The following CRACDL variants were observed in gnomAD, a reference collection of about 807,000 sequenced individuals.
CRACDL encodes the protein CRACD-like protein.
CRACDL carries 26 observed loss-of-function variants against 70.6 expected under a neutral mutation model. The ratio of observed to expected loss-of-function variants is 0.37; its 90% confidence interval spans 0.27 to 0.51. CRACDL has a LOEUF of 0.51. Ranked by LOEUF, CRACDL falls within the 20% of genes least tolerant of loss-of-function variation. The pLI, the probability that CRACDL is intolerant of heterozygous loss-of-function variation, is 0.94. For missense variants in CRACDL, 1,283 were observed against 1,376.9 expected (o/e 0.93, Z 1.08); for synonymous variants, 618 against 615.2 (o/e 1.00, Z -0.07).
chr2:98,900,311 G>T (rs968848461), intron 1 of CRACDL, among the ~76,000 whole-genome samples: 10 of 145,224 alleles, frequency 6.9e-5, no homozygotes, highest in Non-Finnish European at 1.4e-4. Flanking sequence ...CTCAGTAGGA[G>T]GGGAGGCAGG....
chr2:98,842,543 A>G (rs1467864200), intron 2 of CRACDL, among the ~76,000 whole-genome samples: 1 of 152,164 alleles, frequency 6.6e-6, no homozygotes, highest in African/African-American at 2.4e-5. Flanking sequence ...GACTGTCCTC[A>G]TGCTGCCCTT....
At chr2:98,932,839 G>A (rs1398359565) in intron 1 of CRACDL, among the ~76,000 whole-genome samples, 6 of 152,178 alleles carry the variant, frequency 3.9e-5, no homozygotes, top group Non-Finnish European at 7.3e-5. Flanking sequence ...GCCATGATGT[G>A]CAGAGGACAG....
At chr2:98,802,060 T>C (rs1164869980) in intron 7 of CRACDL, among the ~76,000 whole-genome samples, 3 of 152,268 alleles carry the variant, frequency 2.0e-5, no homozygotes, top group Non-Finnish European at 4.4e-5. Context: ...AGGCTGACTC[T>C]TGGCTCCCTG....
chr2:98,869,855 C>T (rs6760065), intron 1 of CRACDL, among the ~76,000 whole-genome samples: 57,293 of 152,038 alleles, frequency 0.38, 11,321 homozygotes, highest in African/African-American at 0.49. Flanking sequence ...AACTGCTTTC[C>T]TGGGGCCTTC....
intron 9 of CRACDL, 68 bp from the exon 10 acceptor site, chr2:98,794,739 T>C: frequency 7.0e-7 from 1 of 1,424,348 alleles, no homozygotes; most frequent in Non-Finnish European, 9.8e-7. Flanking sequence ...TTAAGCCTCT[T>C]GTGTTTCTCG....
At chr2:98,910,640 G>A (rs983638411) in intron 1 of CRACDL, among the ~76,000 whole-genome samples, 38 of 152,294 alleles carry the variant, frequency 2.5e-4, no homozygotes, top group Middle Eastern at 3.4e-3. Context: ...AATGACAACC[G>A]TTTCTACAAA....
intron 1 of CRACDL, among the ~76,000 whole-genome samples, chr2:98,894,325 C>T (rs1415952422): frequency 1.3e-5 from 2 of 152,200 alleles, no homozygotes; most frequent in East Asian, 3.8e-4. Context: ...GGAGAGGCCA[C>T]ATGAGGAAGA....
intron 1 of CRACDL, among the ~76,000 whole-genome samples, chr2:98,857,311 T>C (rs1037493612): frequency 1.3e-5 from 2 of 152,184 alleles, no homozygotes; most frequent in Non-Finnish European, 2.9e-5. Context: ...TATATTTTTG[T>C]TCTCTCTTCT....
intron 1 of CRACDL, among the ~76,000 whole-genome samples, chr2:98,850,174 C>T (rs913403809): frequency 1.3e-5 from 2 of 152,190 alleles, no homozygotes. Flanking sequence ...TCCAGCTGAC[C>T]CCTGTGCTTC....
intron 1 of CRACDL, among the ~76,000 whole-genome samples, chr2:98,884,949 C>T (rs983403104): frequency 2.0e-5 from 3 of 152,190 alleles, no homozygotes; most frequent in African/African-American, 7.2e-5. Flanking sequence ...GGACTTGGGC[C>T]TTCCAGAGAG....
chr2:98,934,085 G>A (rs534063108), intron 1 of CRACDL, among the ~76,000 whole-genome samples: 89 of 152,104 alleles, frequency 5.9e-4, no homozygotes, highest in East Asian at 3.9e-4. Context: ...ATCACCTTGA[G>A]GATTAGGAAT....
At chr2:98,912,574 G>A (rs1708570078) in intron 1 of CRACDL, among the ~76,000 whole-genome samples, 1 of 152,238 alleles carries the variant, frequency 6.6e-6, no homozygotes, top group African/African-American at 2.4e-5. Context: ...TGAATGCCCT[G>A]AGGTCTATGA....
At chr2:98,887,734 CAAAG>C (rs1313365170) in intron 1 of CRACDL, among the ~76,000 whole-genome samples, 1 of 151,956 alleles carries the variant, frequency 6.6e-6, no homozygotes, top group Non-Finnish European at 1.5e-5. Flanking sequence ...AGCCCAAAGA[CAAAG>C]AGAGAATCTG....
chr2:98,844,580 T>C (rs1054628584), intron 2 of CRACDL, among the ~76,000 whole-genome samples: 3 of 152,210 alleles, frequency 2.0e-5, no homozygotes, highest in Non-Finnish European at 4.4e-5. Flanking sequence ...TGATCTCATC[T>C]TAACAAATTA....
At chr2:98,829,474 G>T (rs1383144589) in intron 5 of CRACDL, among the ~76,000 whole-genome samples, 1 of 152,176 alleles carries the variant, frequency 6.6e-6, no homozygotes, top group East Asian at 1.9e-4. Flanking sequence ...ATGTAACTAC[G>T]TGAGGTGGTT....
chr2:98,807,380 T>C (rs1364533746), intron 7 of CRACDL, among the ~76,000 whole-genome samples: 2 of 152,258 alleles, frequency 1.3e-5, no homozygotes, highest in Non-Finnish European at 2.9e-5. Flanking sequence ...TAGGTCTTTG[T>C]TGTGGGGAGC....
intron 1 of CRACDL, among the ~76,000 whole-genome samples, chr2:98,930,717 C>T (rs575708667): frequency 1.6e-4 from 24 of 152,236 alleles, no homozygotes; most frequent in African/African-American, 5.5e-4. Context: ...CTCAGGAGCA[C>T]TGTGTATGGC....
chr2:98,796,371 T>C, intron 8 of CRACDL, 107 bp from the exon 9 acceptor site: 1 of 1,172,014 alleles, frequency 8.5e-7, no homozygotes, highest in South Asian at 1.3e-5. Flanking sequence ...ATGCCTGCAC[T>C]GCTGGCACTT....
rs768011724 is a variant in CRACDL, at chr2:98,863,570, C to CT, written c.-10-16761dup. On this transcript the variant is annotated intron_variant, in intron 1 of 9. Transcript: ENST00000397899. Reference sequence around the variant, plus strand: ...TTTTACGTGATTTAAGAGACTAGCACTTTTTTAAAAAAAGAGGTACAGGCT... The same window carrying CT: ...TTTTACGTGATTTAAGAGACTAGCACTTTTTTTAAAAAAAGAGGTACAGGCT... Among the ~76,000 whole-genome samples the CT allele has an allele frequency of 7.4e-4, 113 of 152,064 alleles. 3 individuals carry two copies. Among genetic ancestry groups the CT allele is most frequent in the Non-Finnish European group, 6.2e-4 (42 of 67,996 alleles).
Sources: allele counts gnomAD v4.1 joint callset (sites outside exome capture counted in the v4.1 genomes callset), GRCh38; gene constraint gnomAD v4.1.1; transcripts MANE v1.5; gene names NCBI Gene and HGNC (gene_info 2026-07-23, HGNC 2026-07-21).